The following NTRK1 variants were observed in gnomAD, a reference collection of about 807,000 sequenced individuals.
NTRK1 encodes neurotrophic receptor tyrosine kinase 1.
Under a neutral mutation model 86.8 loss-of-function variants are expected in NTRK1, and 62 were observed. The ratio of observed to expected loss-of-function variants is 0.71; its 90% CI spans 0.58 to 0.88. NTRK1 has a LOEUF of 0.88. Among genes scored for constraint, NTRK1 ranks in the 40% least tolerant of loss-of-function variants. NTRK1 has a pLI of 0.00. For missense variants in NTRK1, 967 were observed against 1,078.4 expected, an observed-to-expected ratio of 0.90 and a Z score of 1.45; for synonymous variants, 469 against 456.6, an observed-to-expected ratio of 1.03 and a Z score of -0.35.
At chr1:156,816,064 C>T in intron 1 of NTRK1, 2 of 1,614,022 alleles carry the variant, frequency 1.2e-6, no homozygotes, top group East Asian at 2.2e-5. Context: ...CTGGAAGGTG[C>T]TGAAGGTTGG....
chr1:156,851,149 A>T, intron 2 of NTRK1: 1 of 847,518 alleles, frequency 1.2e-6, no homozygotes, highest in Non-Finnish European at 2.0e-6. Flanking sequence ...AAAACTGAAG[A>T]CCAGAGAAGT....
rs771242724 is a variant in NTRK1 at position 156,845,245 on chromosome 1, G to C, written c.50+3052G>C. ...CCTCCTGGATCTCGAAATCCGAGCT[G>C]TTGCCCCCCAGCCGGAGGGGCCCAG... is the stretch of plus-strand genomic sequence containing the variant. On this transcript the variant is annotated intron_variant, in intron 2 of 16. Coordinates refer to the NTRK1 transcript ENST00000392302. 5 of 1,611,038 alleles carry C rather than the reference G, an allele frequency of 3.1e-6. No individual in the cohort carries two copies. Among genetic ancestry groups the C allele is most frequent in the Non-Finnish European group, 4.2e-6 (5 of 1,178,882 alleles).
intron 1 of NTRK1, among the ~76,000 whole-genome samples, chr1:156,822,599 TAA>T (rs1654216812): frequency 1.4e-5 from 1 of 71,344 alleles, no homozygotes; most frequent in Admixed American, 1.6e-4. Flanking sequence ...AGACCGAGGC[TAA>T]AAGATTAGAA....
chr1:156,847,347 T>A (rs148233875), intron 2 of NTRK1, among the ~76,000 whole-genome samples: 12 of 152,328 alleles, frequency 7.9e-5, no homozygotes, highest in African/African-American at 2.9e-4. Flanking sequence ...AGGCAACTAG[T>A]GCTGGCTGCC....
intron 1 of NTRK1, among the ~76,000 whole-genome samples, chr1:156,834,461 C>T (rs141372766): frequency 1.3e-5 from 2 of 152,206 alleles, no homozygotes; most frequent in Admixed American, 6.5e-5. Context: ...AGACAGAGAC[C>T]GAAGGCCAAG....
rs1653961031 is a variant in NTRK1, at chr1:156,816,608, GAGGGA to G, written c.-64+771_-64+775del. On this transcript the variant is annotated intron_variant, in intron 1 of 16. Transcript: ENST00000392302. The stretch of plus-strand genomic sequence containing the variant: ...CCCTGAAGTGGGAGCTCAAGCCCAG[GAGGGA>G]GGGCAGGGGGATGGGGGTCTTTGTG... The G allele has an allele frequency of 5.2e-6, 8 of 1,527,968 alleles. No individual in the cohort carries two copies. In the South Asian group the frequency reaches 8.3e-5, roughly 16 times the overall value. The allele number at this position is 1,527,968 out of a possible 1,614,324, so 94.7% of individuals were successfully genotyped here.
intron 2 of NTRK1, chr1:156,843,623 C>T: frequency 2.4e-6 from 2 of 823,948 alleles, no homozygotes; most frequent in African/African-American, 3.4e-5. Flanking sequence ...CCTGGGGATC[C>T]CTAAGTACCC....
chr1:156,849,566 G>T (rs755323628), intron 2 of NTRK1: 70 of 798,024 alleles, frequency 8.8e-5, no homozygotes, highest in Non-Finnish European at 1.2e-4. Flanking sequence ...GGCCCGGGGA[G>T]AGGGGCACTC....
intron 2 of NTRK1, chr1:156,845,375 T>G: frequency 6.3e-7 from 1 of 1,577,254 alleles, no homozygotes; most frequent in Non-Finnish European, 8.6e-7. Context: ...TGCTCACCTT[T>G]GGGGGCTCTT....
intron 1 of NTRK1, among the ~76,000 whole-genome samples, chr1:156,835,878 C>G (rs1356760364): frequency 6.6e-6 from 1 of 152,238 alleles, no homozygotes; most frequent in Non-Finnish European, 1.5e-5. Flanking sequence ...TCCTTCACAC[C>G]TGTGCCTCCC....
chr1:156,850,009 C>T (rs1655146146), intron 2 of NTRK1, among the ~76,000 whole-genome samples: 1 of 151,774 alleles, frequency 6.6e-6, no homozygotes, highest in Non-Finnish European at 1.5e-5. Context: ...CTCAGGTGAT[C>T]CTCCCACCTC....
chr1:156,864,890 C>T (rs1267199079), intron 3 of NTRK1, 91 bp downstream of exon 3: 57 of 1,283,310 alleles, frequency 4.4e-5, no homozygotes, highest in Non-Finnish European at 5.8e-5. Flanking sequence ...GGAATGATTG[C>T]GAGGAGGGCC....
At chr1:156,851,637 G>A (rs2102866761) in intron 2 of NTRK1, 1 of 1,614,164 alleles carries the variant, frequency 6.2e-7, no homozygotes, top group African/African-American at 1.3e-5. Flanking sequence ...CCCCAAAGTA[G>A]GTACTGACAG....
chr1:156,864,125 G>A (rs41345648), intron 1 of NTRK1, among the ~76,000 whole-genome samples: 1 of 152,138 alleles, frequency 6.6e-6, no homozygotes, highest in Non-Finnish European at 1.5e-5. Context: ...ATATGTATGT[G>A]CGCTTGTGTG....
upstream of NTRK1, among the ~76,000 whole-genome samples, chr1:156,860,011 G>A (rs1462510109): frequency 6.6e-6 from 1 of 152,244 alleles, no homozygotes; most frequent in Non-Finnish European, 1.5e-5. Context: ...CCCGCGGGCG[G>A]CTCCTGCGTC....
At chr1:156,863,545 A>G (rs915294042) in intron 1 of NTRK1, among the ~76,000 whole-genome samples, 4 of 151,454 alleles carry the variant, frequency 2.6e-5, no homozygotes, top group African/African-American at 9.7e-5. Context: ...CCTAACTGAT[A>G]GCCTGTAAGA....
intron 1 of NTRK1, chr1:156,841,221 G>T: frequency 1.0e-6 from 1 of 982,894 alleles, no homozygotes; most frequent in Non-Finnish European, 1.6e-6. Flanking sequence ...TGCCTGGGAG[G>T]GTGAGAAGGG....
intron 1 of NTRK1, among the ~76,000 whole-genome samples, chr1:156,821,390 G>T (rs1654184641): frequency 6.6e-6 from 1 of 151,956 alleles, no homozygotes; most frequent in Non-Finnish European, 1.5e-5. Context: ...ACTAAAGCTT[G>T]TAGTGAGTTA....
intron 3 of NTRK1, among the ~76,000 whole-genome samples, chr1:156,866,383 G>A (rs1462527551): frequency 6.6e-6 from 1 of 152,198 alleles, no homozygotes; most frequent in East Asian, 1.9e-4. Flanking sequence ...GTGTGGGGGT[G>A]TGGGTCCTTT....
Sources: gnomAD v4.1 joint callset for allele counts (sites outside exome capture counted in the v4.1 genomes callset) on GRCh38, gnomAD v4.1.1 for gene constraint, MANE v1.5 for transcripts, NCBI Gene and HGNC (gene_info 2026-07-23, HGNC 2026-07-21) for gene names.